Variants in SH3GL2 observed in about 807,000 individuals in gnomAD.
The protein encoded by SH3GL2 is endophilin-A1.
SH3GL2 carries 24 observed loss-of-function variants against 46.0 expected under a neutral mutation model. The ratio of observed to expected loss-of-function variants is 0.52; its 90% confidence interval spans 0.38 to 0.73. The LOEUF (loss-of-function observed/expected upper bound fraction) is 0.73, where lower values mean the gene tolerates loss of function less well. Among genes scored for constraint, SH3GL2 ranks in the 30% least tolerant of loss-of-function variants. SH3GL2 has a pLI of 0.00. For synonymous variants in SH3GL2, 196 were observed against 147.1 expected (o/e 1.33, Z -2.40); for missense variants, 413 against 424.2 (o/e 0.97, Z 0.23).
chr9:17,678,204 C>G (rs1393899067), intron 1 of SH3GL2, among the ~76,000 whole-genome samples: 1 of 152,068 alleles, frequency 6.6e-6, no homozygotes, highest in East Asian at 1.9e-4. Flanking sequence ...CCTGAGGAAT[C>G]GCCACACTGA....
intron 2 of SH3GL2, among the ~76,000 whole-genome samples, chr9:17,753,092 T>C (rs1822894433): frequency 6.6e-6 from 1 of 152,210 alleles, no homozygotes; most frequent in Non-Finnish European, 1.5e-5. Flanking sequence ...GCACATTTTC[T>C]TTATCCAGTC....
intron 1 of SH3GL2, among the ~76,000 whole-genome samples, chr9:17,634,075 T>C (rs1379013567): frequency 6.6e-6 from 1 of 152,206 alleles, no homozygotes; most frequent in Non-Finnish European, 1.5e-5. Flanking sequence ...GGACTCAGAC[T>C]CTTGATGTGG....
At chr9:17,666,195 GA>G (rs1820336887) in intron 1 of SH3GL2, among the ~76,000 whole-genome samples, 1 of 151,746 alleles carries the variant, frequency 6.6e-6, no homozygotes, top group Non-Finnish European at 1.5e-5. Flanking sequence ...AGTTACTTGG[GA>G]TAGTTCCTTT....
chr9:17,650,620 G>A (rs962947510), intron 1 of SH3GL2, among the ~76,000 whole-genome samples: 4 of 152,114 alleles, frequency 2.6e-5, no homozygotes, highest in African/African-American at 4.8e-5. Flanking sequence ...GCCTCCCAAA[G>A]TGCTGGGATT....
At chr9:17,622,814 G>T (rs986656055) in intron 1 of SH3GL2, among the ~76,000 whole-genome samples, 5 of 152,054 alleles carry the variant, frequency 3.3e-5, no homozygotes, top group African/African-American at 4.8e-5. Context: ...CACTCCGTTG[G>T]CAGGGTATGT....
chr9:17,590,409 C>A (rs934369753), intron 1 of SH3GL2: 1 of 152,188 alleles, frequency 6.6e-6, no homozygotes, highest in Non-Finnish European at 1.5e-5. Flanking sequence ...TCTTCTACTT[C>A]TGATGATGAA....
intron 1 of SH3GL2, among the ~76,000 whole-genome samples, chr9:17,621,034 A>G (rs1308373050): frequency 6.6e-6 from 1 of 152,222 alleles, no homozygotes; most frequent in African/African-American, 2.4e-5. Flanking sequence ...AGATGTTGAC[A>G]GAGTTTCAGT....
rs117975737 is a variant in SH3GL2 at position 17,732,142 on chromosome 9, A to G, written c.46-14924A>G. Reference sequence around the variant, plus strand: ...TTTGGACTTCATCATATTCTCAACAACAATCATAACAGCACATTAATATTA... The same window carrying G: ...TTTGGACTTCATCATATTCTCAACAGCAATCATAACAGCACATTAATATTA... On this transcript the variant is annotated intron_variant, in intron 1 of 8. Transcript: ENST00000380607. Among the ~76,000 whole-genome samples, 694 of 152,272 alleles carry G rather than the reference A, an allele frequency of 4.6e-3. 5 individuals are homozygous for G. The highest frequency in any genetic ancestry group is 5.6e-3 in the Non-Finnish European group (381 of 68,002).
chr9:17,766,373 A>G (rs965968610), intron 3 of SH3GL2, among the ~76,000 whole-genome samples: 2 of 152,244 alleles, frequency 1.3e-5, no homozygotes, highest in African/African-American at 4.8e-5. Context: ...TATAGAAAGT[A>G]CTGTGCACAA....
At chr9:17,711,222 G>A (rs1482897568) in intron 1 of SH3GL2, among the ~76,000 whole-genome samples, 1 of 151,798 alleles carries the variant, frequency 6.6e-6, no homozygotes, top group Admixed American at 6.6e-5. Context: ...TACCATTAGT[G>A]TTTTTTTATT....
At chr9:17,660,047 A>G (rs891350613) in intron 1 of SH3GL2, among the ~76,000 whole-genome samples, 5 of 152,196 alleles carry the variant, frequency 3.3e-5, no homozygotes, top group Non-Finnish European at 7.3e-5. Flanking sequence ...CTATTGGGCT[A>G]TGTGGACAAC....
intron 1 of SH3GL2, among the ~76,000 whole-genome samples, chr9:17,632,483 C>T (rs1168145070): frequency 2.0e-5 from 3 of 152,034 alleles, no homozygotes; most frequent in African/African-American, 4.8e-5. Flanking sequence ...TTGGGCTGTC[C>T]GGGTGATTTA....
Position 17,779,703 on chromosome 9 carries a change from G to A in SH3GL2, c.188-6678G>A, listed in dbSNP as rs117833384. Among the ~76,000 whole-genome samples the A allele has an allele frequency of 7.6e-3, 1,152 of 152,236 alleles. 4 individuals carry two copies. The highest frequency in any genetic ancestry group is 0.012 in the Non-Finnish European group (792 of 67,994). ...CTTCATTTGGGGGCAATTATCTTCT[G>A]CTTCTTTCTGTTATCTAATGGCCTA... is the stretch of plus-strand genomic sequence containing the variant. On this transcript the variant is annotated intron_variant, in intron 3 of 8. Transcript: ENST00000380607.
chr9:17,783,456 T>TA (rs1823869752), intron 3 of SH3GL2, among the ~76,000 whole-genome samples: 1 of 151,212 alleles, frequency 6.6e-6, no homozygotes, highest in Non-Finnish European at 1.5e-5. Flanking sequence ...CAGAGGAAAA[T>TA]AACTCAGGCA....
chr9:17,790,477 G>C (rs1298661246), intron 6 of SH3GL2: 10 of 948,886 alleles, frequency 1.1e-5, no homozygotes, highest in South Asian at 4.9e-5. Flanking sequence ...GTAGGTTTTT[G>C]TTTATGTAAA....
At chr9:17,705,045 A>G (rs1465222405) in intron 1 of SH3GL2, among the ~76,000 whole-genome samples, 1 of 143,956 alleles carries the variant, frequency 6.9e-6, no homozygotes, top group Non-Finnish European at 1.5e-5. Context: ...ACTTAAATTT[A>G]CAAACAAAAA....
intron 1 of SH3GL2, among the ~76,000 whole-genome samples, chr9:17,684,619 C>G (rs1820857559): frequency 6.6e-6 from 1 of 152,032 alleles, no homozygotes; most frequent in Admixed American, 6.6e-5. Flanking sequence ...ATCCAATAAG[C>G]TCACTAAGCA....
At chr9:17,695,679 A>C (rs1033522109) in intron 1 of SH3GL2, among the ~76,000 whole-genome samples, 1 of 152,056 alleles carries the variant, frequency 6.6e-6, no homozygotes, top group African/African-American at 2.4e-5. Flanking sequence ...GCCATTACAT[A>C]ATCACAACCT....
intron 1 of SH3GL2, among the ~76,000 whole-genome samples, chr9:17,731,024 C>T (rs1389194463): frequency 1.3e-5 from 2 of 152,134 alleles, no homozygotes; most frequent in African/African-American, 4.8e-5. Context: ...GCCATATGTT[C>T]TTATGCATGC....
Sources: allele counts gnomAD v4.1 joint callset (sites outside exome capture counted in the v4.1 genomes callset), GRCh38; gene constraint gnomAD v4.1.1; transcripts MANE v1.5; gene names NCBI Gene and HGNC (gene_info 2026-07-23, HGNC 2026-07-21).